The following ADRA1A variants were observed in gnomAD, a reference collection of about 807,000 sequenced individuals.
ADRA1A encodes the protein alpha-1A adrenergic receptor.
ADRA1A carries 31 observed loss-of-function variants against 29.6 expected under a neutral mutation model. The observed-to-expected ratio is 1.05, with a 90% CI of 0.79 to 1.41. The LOEUF is 1.41. Ranked by LOEUF, ADRA1A falls within the 40% of genes most tolerant of loss-of-function variation. The pLI, the probability that ADRA1A is intolerant of heterozygous loss-of-function variation, is 0.00. For missense variants in ADRA1A, 619 were observed against 601.1 expected (o/e 1.03, Z -0.31); for synonymous variants, 311 against 254.3 (o/e 1.22, Z -2.12).
rs538388532 is a variant in ADRA1A at position 26,806,317 on chromosome 8, G to A, written c.884-35651C>T. Among the ~76,000 whole-genome samples the A allele has an allele frequency of 2.3e-4, 33 of 144,968 alleles. No homozygotes were observed. The South Asian group carries it at 6.3e-3, about 28-fold the overall frequency. ...CACCAAAGATTTTTTTTTTTTTTTCGAAAGCTGCCTTCTGTTTTGCTCTTC... is the reference window on the plus strand; with the variant it reads ...CACCAAAGATTTTTTTTTTTTTTTCAAAAGCTGCCTTCTGTTTTGCTCTTC... On this transcript the variant is annotated intron_variant, in intron 2 of 2. Coordinates refer to ENST00000380573, the MANE Select transcript of ADRA1A (RefSeq NM_000680.4). This position sits in a 1 kb window ranked among gnomAD's most constrained non-coding sequence, Gnocchi z 4.6.
At chr8:26,833,683 G>T (rs971046565) in intron 2 of ADRA1A, among the ~76,000 whole-genome samples, 1 of 152,222 alleles carries the variant, frequency 6.6e-6, no homozygotes, top group African/African-American at 2.4e-5. Flanking sequence ...AGGCAAAGCA[G>T]AGACAATTCA....
rs1810185637 is a variant in ADRA1A at position 26,821,757 on chromosome 8, C to T, written c.883+42330G>A. Among the ~76,000 whole-genome samples, 1 of 148,226 alleles carries T rather than the reference C, an allele frequency of 6.7e-6. No homozygotes were observed. The highest frequency in any genetic ancestry group is 1.5e-5 in the Non-Finnish European group (1 of 65,842). On this transcript the variant is annotated intron_variant, in intron 2 of 2. Coordinates refer to ENST00000380573, the MANE Select transcript of ADRA1A (RefSeq NM_000680.4). This position sits in a 1 kb window ranked among gnomAD's most constrained non-coding sequence, Gnocchi z 5.6. ...TAGCCATACCCACTTCCCTTCTGCC[C>T]CACCCCGATCTTCACTCCTGGAAAT...
At chr8:26,818,296 A>G (rs1251911535) in intron 2 of ADRA1A, among the ~76,000 whole-genome samples, 2 of 152,196 alleles carry the variant, frequency 1.3e-5, no homozygotes, top group African/African-American at 4.8e-5. Context: ...CACTACAAAG[A>G]TAAATTTTAG....
At chr8:26,761,304 G>T (rs1367005600), downstream of ADRA1A, among the ~76,000 whole-genome samples, 2 of 152,174 alleles carry the variant, frequency 1.3e-5, no homozygotes, top group Non-Finnish European at 2.9e-5. Context: ...TCTGGGAAAA[G>T]AATTATGGAT....
rs1323134673 is a variant in ADRA1A at position 26,831,487 on chromosome 8, C to T, written c.883+32600G>A. ...TTGCCCAGTACCAACCCCCTGCCCA[C>T]ACCCCACCACTGATCATGGCCAGTT... On this transcript the variant is annotated intron_variant, in intron 2 of 2. Coordinates refer to ENST00000380573, the MANE Select transcript of ADRA1A (RefSeq NM_000680.4). This position sits in a 1 kb window ranked among gnomAD's most constrained non-coding sequence, Gnocchi z 5.2. Among the ~76,000 whole-genome samples, 2 of 152,188 alleles carry T rather than the reference C, an allele frequency of 1.3e-5. No individual in the cohort carries two copies. Among genetic ancestry groups the T allele is most frequent in the African/African-American group, 2.4e-5 (1 of 41,442 alleles).
chr8:26,763,751 C>A (rs1805634472), downstream of ADRA1A, among the ~76,000 whole-genome samples: 1 of 152,176 alleles, frequency 6.6e-6, no homozygotes, highest in Non-Finnish European at 1.5e-5. This position sits in a 1 kb window ranked among gnomAD's most constrained non-coding sequence, Gnocchi z 4.5. Flanking sequence ...TCACTCCGGC[C>A]TGCAGCCTGT....
chr8:26,753,400 T>C (rs754831634), downstream of ADRA1A, among the ~76,000 whole-genome samples: 1 of 152,308 alleles, frequency 6.6e-6, no homozygotes, highest in African/African-American at 2.4e-5. Flanking sequence ...CTGTACACCC[T>C]ATGTCCAATC....
At chr8:26,781,516 G>T (rs1051649596) in intron 2 of ADRA1A, among the ~76,000 whole-genome samples, 4 of 152,210 alleles carry the variant, frequency 2.6e-5, no homozygotes, top group African/African-American at 9.6e-5. Flanking sequence ...CTCAAATGCA[G>T]AAACAGAGCC....
At chr8:26,790,254 A>G (rs768894483) in intron 2 of ADRA1A, among the ~76,000 whole-genome samples, 12 of 152,226 alleles carry the variant, frequency 7.9e-5, no homozygotes, top group Non-Finnish European at 1.3e-4. Flanking sequence ...GTATATATAC[A>G]CAATAGAATA....
At chr8:26,764,928 T>C (rs1805693097), downstream of ADRA1A, among the ~76,000 whole-genome samples, 1 of 152,194 alleles carries the variant, frequency 6.6e-6, no homozygotes, top group Admixed American at 6.5e-5. Context: ...TTAGTAATAA[T>C]CATTTCCAGT....
intron 2 of ADRA1A, among the ~76,000 whole-genome samples, chr8:26,794,915 A>G (rs2130444461): frequency 6.6e-6 from 1 of 152,296 alleles, no homozygotes; most frequent in African/African-American, 2.4e-5. Flanking sequence ...AAGAAAGCAG[A>G]TATAAATAAT....
chr8:26,754,911 C>T (rs2130165459), downstream of ADRA1A, among the ~76,000 whole-genome samples: 1 of 152,268 alleles, frequency 6.6e-6, no homozygotes, highest in South Asian at 2.1e-4. Flanking sequence ...AGCTGTGACC[C>T]TTGGATGGTG....
At chr8:26,751,985 C>T (rs1476996079), downstream of ADRA1A, among the ~76,000 whole-genome samples, 1 of 152,088 alleles carries the variant, frequency 6.6e-6, no homozygotes, top group Non-Finnish European at 1.5e-5. Context: ...GTGTGTTCAA[C>T]AACATCATGT....
intron 2 of ADRA1A, among the ~76,000 whole-genome samples, chr8:26,817,651 G>A (rs1809859167): frequency 6.6e-6 from 1 of 152,140 alleles, no homozygotes; most frequent in African/African-American, 2.4e-5. Flanking sequence ...GGTGGCAGAT[G>A]CCTGTAGACC....
intron 2 of ADRA1A, among the ~76,000 whole-genome samples, chr8:26,804,334 T>A (rs1455673307): frequency 6.6e-6 from 1 of 152,182 alleles, no homozygotes; most frequent in African/African-American, 2.4e-5. Context: ...GAGGCTTTAT[T>A]TGGAATAGCC....
chr8:26,803,392 A>G lies in ADRA1A; in HGVS notation c.884-32726T>C, dbSNP rs527501398. 1.3e-4 allele frequency among the ~76,000 whole-genome samples: 20 copies of G among 152,346 alleles called. No individual in the cohort carries two copies. In the South Asian group the frequency reaches 4.1e-3, roughly 32 times the overall value. On this transcript the variant is annotated intron_variant, in intron 2 of 2. Coordinates refer to ENST00000380573, the MANE Select transcript of ADRA1A (RefSeq NM_000680.4). Reference sequence around the variant, plus strand: ...CCATAAAAATTAAAAATGAAAAAAGATGACTCTTGAACTATACTTATACTG... The same window carrying G: ...CCATAAAAATTAAAAATGAAAAAAGGTGACTCTTGAACTATACTTATACTG...
downstream of ADRA1A, among the ~76,000 whole-genome samples, chr8:26,767,111 C>A (rs1287609719): frequency 6.6e-6 from 1 of 152,066 alleles, no homozygotes; most frequent in African/African-American, 2.4e-5. Context: ...GTTTGAGTTG[C>A]AGAATAAACT....
At chr8:26,776,314 G>C (rs1224664594) in intron 2 of ADRA1A, among the ~76,000 whole-genome samples, 2 of 152,238 alleles carry the variant, frequency 1.3e-5, no homozygotes, top group Non-Finnish European at 2.9e-5. Context: ...AAAGCTGTGA[G>C]TCAGTCTTCT....
chr8:26,777,743 G>A (rs979322706), intron 2 of ADRA1A, among the ~76,000 whole-genome samples: 1 of 152,234 alleles, frequency 6.6e-6, no homozygotes, highest in Non-Finnish European at 1.5e-5. Context: ...CTCTCCTCTT[G>A]CATGGGGCAA....
Sources: gnomAD v4.1 joint callset for allele counts (sites outside exome capture counted in the v4.1 genomes callset) on GRCh38, gnomAD v4.1.1 for gene constraint, Gnocchi (gnomAD v3.1) non-coding constraint, MANE v1.5 for transcripts, NCBI Gene and HGNC (gene_info 2026-07-23, HGNC 2026-07-21) for gene names.